Variants in KIAA0930 observed in about 807,000 individuals in gnomAD.
KIAA0930 encodes the protein uncharacterized protein KIAA0930.
In KIAA0930, 24 loss-of-function variants were observed where a neutral mutation model predicts 43.9. That is an observed-to-expected ratio of 0.55 (90% CI 0.40 to 0.77). KIAA0930 has a LOEUF of 0.77. Ranked by LOEUF, KIAA0930 falls within the 30% of genes least tolerant of loss-of-function variation. KIAA0930 has a pLI of 0.00. For missense variants in KIAA0930, 461 were observed against 574.2 expected (o/e 0.80, Z 2.02); for synonymous variants, 259 against 216.4 (o/e 1.20, Z -1.73).
Position 45,203,854 on chromosome 22 carries a change from A to G in KIAA0930, c.648T>C (p.Tyr216=). The change falls in exon 6 of 10, where the codon TAT becomes TAC. Residue 216 remains tyrosine (Y), a synonymous_variant. Coordinates refer to ENST00000336156, the MANE Select transcript of KIAA0930 (RefSeq NM_001009880.2). The part of the protein sequence containing the change: ...SIRYEALKKV[Y]DNRVSVAARM... ...GCCGCCCCGCACTCACCCGGTTGTC[A>G]TACACCTTCTTGAGCGCCTCGTAGC... The G allele has an allele frequency of 6.2e-7, 1 of 1,613,960 alleles. No individual in the cohort carries two copies. The highest frequency in any genetic ancestry group is 8.5e-7 in the Non-Finnish European group (1 of 1,179,926).
chr22:45,204,670 T>C (rs917938957), intron 5 of KIAA0930, among the ~76,000 whole-genome samples: 2 of 151,504 alleles, frequency 1.3e-5, no homozygotes, highest in Non-Finnish European at 2.9e-5. Flanking sequence ...GAGACACAAA[T>C]GGGCAGAGCA....
chr22:45,222,294 A>G (rs1388540510), intron 1 of KIAA0930, among the ~76,000 whole-genome samples: 1 of 146,266 alleles, frequency 6.8e-6, no homozygotes, highest in East Asian at 1.9e-4. Flanking sequence ...GAGAAGAATG[A>G]TCAATCAAAC....
intron 8 of KIAA0930, 123 bp downstream of exon 8, chr22:45,199,750 C>G: frequency 9.5e-7 from 1 of 1,048,578 alleles, no homozygotes; most frequent in East Asian, 2.8e-5. Context: ...TGGCACATGG[C>G]ACCCACTCTC....
At chr22:45,203,813 G>A in intron 6 of KIAA0930, 32 bp downstream of exon 6, 3 of 1,609,626 alleles carry the variant, frequency 1.9e-6, no homozygotes, top group Non-Finnish European at 2.5e-6. Flanking sequence ...CCCGGGCCCA[G>A]AAGAACACCC....
At chr22:45,207,353 T>C (rs1175614578) in intron 2 of KIAA0930, among the ~76,000 whole-genome samples, 1 of 128,630 alleles carries the variant, frequency 7.8e-6, no homozygotes, top group East Asian at 2.4e-4. Context: ...GATGAAGTCT[T>C]GCTTTGTCAC....
At chr22:45,223,045 G>A (rs979627972) in intron 1 of KIAA0930, among the ~76,000 whole-genome samples, 10 of 152,100 alleles carry the variant, frequency 6.6e-5, no homozygotes, top group Non-Finnish European at 1.0e-4. Context: ...CTGACCCAGC[G>A]ATCCCACAGA....
chr22:45,214,315 T>C (rs1601818215), intron 1 of KIAA0930, among the ~76,000 whole-genome samples: 1 of 152,066 alleles, frequency 6.6e-6, no homozygotes, highest in East Asian at 1.9e-4. Flanking sequence ...CCACAGAGAC[T>C]GGTACACAAA....
chr22:45,230,426 A>G (rs1358591413), intron 1 of KIAA0930, among the ~76,000 whole-genome samples: 1 of 152,092 alleles, frequency 6.6e-6, no homozygotes, highest in Non-Finnish European at 1.5e-5. Context: ...CTTCTCCCTG[A>G]AGCAGGTCAT....
At position 45,192,384 on chromosome 22, in the gene KIAA0930, C is replaced by T. The variant is rs150570324; in HGVS notation, c.*4792G>A. On this transcript the variant is annotated 3_prime_UTR_variant, in exon 10 of 10. Coordinates refer to ENST00000336156, the MANE Select transcript of KIAA0930 (RefSeq NM_001009880.2). ...GGATGTGGAAGAGGGTTAATAAAGA[C>T]GCTGTTGGTAACGCGTACAGAACTA... The T allele has an allele frequency of 3.0e-4, 45 of 152,322 alleles. No individual in the cohort carries two copies. The highest frequency in any genetic ancestry group is 9.9e-4 in the African/African-American group (41 of 41,560). The allele number at this position is 152,322 out of a possible 1,614,324, so 9.4% of individuals were successfully genotyped here.
intron 2 of KIAA0930, among the ~76,000 whole-genome samples, chr22:45,209,421 GCAGCCCCAGGACCCACCCAC>G (rs1359845288): frequency 3.3e-5 from 5 of 152,152 alleles, no homozygotes; most frequent in African/African-American, 1.2e-4. Context: ...CCAAGTTGGG[GCAGCCCCAGGACCCACCCAC>G]CAGGCCCCGC....
rs749457155 is a variant in KIAA0930, at chr22:45,203,128, G to A, written c.714C>T (p.Ser238=). 6.2e-7 allele frequency: 1 copy of A among 1,613,546 alleles called. No homozygotes were observed. The highest frequency in any genetic ancestry group is 8.5e-7 in the Non-Finnish European group (1 of 1,179,736). Residue 238 remains serine, a synonymous_variant, in exon 7 of 10, where the codon AGC becomes AGT. Coordinates refer to ENST00000336156, the MANE Select transcript of KIAA0930 (RefSeq NM_001009880.2). The part of the protein sequence containing the change: ...QKMSFGFYKY[S]NMEFVRMKGP... ...CCTTCATGCGCACAAACTCCATGTT[G>A]CTGTACTTGTAGAAGCCAAACGACA...
chr22:45,217,868 C>G (rs1480018396), intron 1 of KIAA0930, among the ~76,000 whole-genome samples: 1 of 152,226 alleles, frequency 6.6e-6, no homozygotes, highest in Non-Finnish European at 1.5e-5. Context: ...AAGCGAGTGA[C>G]CTGCTTCTGT....
chr22:45,212,455 G>A, intron 1 of KIAA0930: 2 of 1,462,210 alleles, frequency 1.4e-6, no homozygotes, highest in East Asian at 2.5e-5. Context: ...TGGTGTCTGG[G>A]CTGGAAGCCG....
rs188331231 is a variant in KIAA0930 at position 45,234,338 on chromosome 22, C to T, written c.64+6302G>A. Among the ~76,000 whole-genome samples the T allele has an allele frequency of 7.4e-3, 936 of 126,776 alleles. 4 individuals are homozygous for T. The highest frequency in any genetic ancestry group is 0.041 in the Middle Eastern group (10 of 244). 83.2% of individuals were successfully genotyped at this position (126,776 alleles called of 152,430 possible). A position where few individuals can be genotyped will look rare whatever the true frequency, so the allele number is the denominator to read the frequency against. Reference sequence around the variant, plus strand: ...CTGCTCGGGGAAGACAAGCCTGAAACGCCAGGGGGAGAGCTCTCAGGTAAG... The same window carrying T: ...CTGCTCGGGGAAGACAAGCCTGAAATGCCAGGGGGAGAGCTCTCAGGTAAG... On this transcript the variant is annotated intron_variant, in intron 1 of 9. Transcript: ENST00000336156.
rs56382318 is a variant in KIAA0930, at chr22:45,192,919, G to GA, written c.*4256dup. ...GAGGATCAAGCCAGCCAGTGAAAAA[G>GA]AAAAAACAAAAGCCCCAGCAGGTGC... On this transcript the variant is annotated 3_prime_UTR_variant, in exon 10 of 10. Transcript: ENST00000336156. 20,632 of 152,204 alleles carry GA rather than the reference G, an allele frequency of 0.14. 1,651 individuals are homozygous for GA. Among genetic ancestry groups the GA allele is most frequent in the Non-Finnish European group, 0.18 (12,498 of 68,056 alleles). 9.4% of individuals were successfully genotyped at this position (152,204 alleles called of 1,614,324 possible). A position where few individuals can be genotyped will look rare whatever the true frequency, so the allele number is the denominator to read the frequency against.
At position 45,223,125 on chromosome 22, in the gene KIAA0930, CAAA is replaced by C. The variant is rs200805913; in HGVS notation, c.65-11021_65-11019del. Among the ~76,000 whole-genome samples the C allele has an allele frequency of 4.8e-4, 73 of 152,068 alleles. 1 individual carries two copies. In the East Asian group the frequency reaches 0.014, roughly 28 times the overall value. On this transcript the variant is annotated intron_variant, in intron 1 of 9. Transcript: ENST00000336156. ...TCTTTAAGCATTACAGCACTGTTGG[CAAA>C]ATAGTGGAGTGGTCCTATCAATAGG...
chr22:45,227,162 C>G (rs993099101), intron 1 of KIAA0930, among the ~76,000 whole-genome samples: 1 of 152,226 alleles, frequency 6.6e-6, no homozygotes, highest in African/African-American at 2.4e-5. Flanking sequence ...TGTGCAGGCC[C>G]ACATGTACTA....
chr22:45,198,661 G>A (rs559350332), intron 8 of KIAA0930, among the ~76,000 whole-genome samples: 1 of 149,584 alleles, frequency 6.7e-6, no homozygotes, highest in Non-Finnish European at 1.5e-5. Flanking sequence ...GTTTTTTTTT[G>A]TTTGTTTTGA....
At chr22:45,204,507 C>A (rs1412068959) in intron 5 of KIAA0930, among the ~76,000 whole-genome samples, 6 of 152,214 alleles carry the variant, frequency 3.9e-5, no homozygotes, top group Non-Finnish European at 5.9e-5. Flanking sequence ...AATCTCAGCT[C>A]TGCCCTCTAG....
Sources: allele counts gnomAD v4.1 joint callset (sites outside exome capture counted in the v4.1 genomes callset), GRCh38; gene constraint gnomAD v4.1.1; transcripts MANE v1.5; gene names NCBI Gene and HGNC (gene_info 2026-07-23, HGNC 2026-07-21).